Variants in TLK1 observed in about 807,000 individuals in gnomAD.
TLK1 encodes the protein tousled like kinase 1.
TLK1 carries 24 observed loss-of-function variants against 105.3 expected under a neutral mutation model. The ratio of observed to expected loss-of-function variants is 0.23; its 90% CI spans 0.17 to 0.32. The LOEUF (loss-of-function observed/expected upper bound fraction) is 0.32, where lower values mean the gene tolerates loss of function less well. Among genes scored for constraint, TLK1 ranks in the 10% least tolerant of loss-of-function variants. TLK1 has a pLI of 1.00. For synonymous variants in TLK1, 321 were observed against 310.4 expected (o/e 1.03, Z -0.36); for missense variants, 558 against 910.5 (o/e 0.61, Z 4.98).
At chr2:171,081,764 T>G (rs944425341) in intron 3 of TLK1, 3 of 1,220,960 alleles carry the variant, frequency 2.5e-6, no homozygotes, top group Non-Finnish European at 3.3e-6. Context: ...CTTTGTAGTG[T>G]CAGGGTGCCT....
At chr2:171,222,978 C>A (rs1693835482) in intron 1 of TLK1, among the ~76,000 whole-genome samples, 1 of 152,044 alleles carries the variant, frequency 6.6e-6, no homozygotes, top group Non-Finnish European at 1.5e-5. Flanking sequence ...CCACGCCCAA[C>A]TAATTTTTGT....
chr2:171,060,977 T>G (rs916281732), intron 4 of TLK1, 104 bp downstream of exon 4: 4 of 1,176,198 alleles, frequency 3.4e-6, no homozygotes, highest in Non-Finnish European at 4.8e-6. Flanking sequence ...CACCAAAATT[T>G]ACAACTTCAT....
At chr2:171,002,994 G>A (rs566422845) in intron 18 of TLK1, among the ~76,000 whole-genome samples, 6 of 151,828 alleles carry the variant, frequency 4.0e-5, no homozygotes, top group South Asian at 4.2e-4. Flanking sequence ...ACAAGGTTTC[G>A]CTGGGCGTGG....
At chr2:171,092,150 T>C (rs568245661) in intron 2 of TLK1, among the ~76,000 whole-genome samples, 1 of 152,196 alleles carries the variant, frequency 6.6e-6, no homozygotes, top group East Asian at 1.9e-4. Context: ...GGCTTCCAAA[T>C]CATTCTGTGA....
In TLK1 at chr2:171,055,463, G is replaced by A. The variant is rs118033242; in HGVS notation, c.550-291C>T. 2.7e-3 allele frequency among the ~76,000 whole-genome samples: 410 copies of A among 150,782 alleles called. 7 individuals carry two copies. In the East Asian group the frequency reaches 0.069, roughly 25 times the overall value. ...AAAGAAATCTTAATGCTTTCATACAGTTAAAAAAAAAATAAGGCCAAATAA... is the reference window on the plus strand; with the variant it reads ...AAAGAAATCTTAATGCTTTCATACAATTAAAAAAAAAATAAGGCCAAATAA... On this transcript the variant is annotated intron_variant, in intron 6 of 20. Coordinates refer to ENST00000431350, the MANE Select transcript of TLK1 (RefSeq NM_012290.5).
intron 1 of TLK1, among the ~76,000 whole-genome samples, chr2:171,125,430 CTCT>C (rs1690828385): frequency 6.6e-6 from 1 of 152,144 alleles, no homozygotes; most frequent in Admixed American, 6.5e-5. Context: ...CTATATTTTT[CTCT>C]TCTTTCCTTT....
At chr2:171,071,933 G>A (rs1294127301) in intron 3 of TLK1, among the ~76,000 whole-genome samples, 1 of 152,128 alleles carries the variant, frequency 6.6e-6, no homozygotes, top group Non-Finnish European at 1.5e-5. Flanking sequence ...CTGTTCCACT[G>A]GTCTATGTGT....
At chr2:171,083,813 T>C (rs1233396991) in intron 2 of TLK1, among the ~76,000 whole-genome samples, 3 of 152,168 alleles carry the variant, frequency 2.0e-5, no homozygotes, top group Non-Finnish European at 4.4e-5. Flanking sequence ...AAAGCTGCTG[T>C]CAACAAAGGA....
chr2:171,155,718 C>T (rs1692206418), intron 1 of TLK1: 1 of 152,156 alleles, frequency 6.6e-6, no homozygotes, highest in Admixed American at 6.5e-5. Context: ...AAACTAACTA[C>T]TTCTTTCCAT....
intron 3 of TLK1, among the ~76,000 whole-genome samples, chr2:171,081,914 A>C (rs1436375309): frequency 6.6e-6 from 1 of 152,142 alleles, no homozygotes; most frequent in Non-Finnish European, 1.5e-5. Flanking sequence ...GTGCTAATGA[A>C]CTACTGGTAT....
intron 1 of TLK1, among the ~76,000 whole-genome samples, chr2:171,145,984 C>A (rs1691776777): frequency 6.6e-6 from 1 of 151,898 alleles, no homozygotes; most frequent in African/African-American, 2.4e-5. Context: ...GTGGTCGTTA[C>A]ACAGGTCAGA....
At chr2:171,047,228 A>G (rs575665324) in intron 10 of TLK1, among the ~76,000 whole-genome samples, 2 of 152,216 alleles carry the variant, frequency 1.3e-5, no homozygotes, top group Non-Finnish European at 2.9e-5. Context: ...CAGTTTGAGC[A>G]GAGCATAAAG....
upstream of TLK1, among the ~76,000 whole-genome samples, chr2:171,164,078 T>C (rs112219785): frequency 0.011 from 1,634 of 152,334 alleles, 27 homozygotes; most frequent in African/African-American, 0.037. Context: ...TAATGATAAC[T>C]AGAGGATTAC....
At chr2:171,071,553 C>A (rs1176627510) in intron 3 of TLK1, among the ~76,000 whole-genome samples, 1 of 152,184 alleles carries the variant, frequency 6.6e-6, no homozygotes, top group Non-Finnish European at 1.5e-5. Flanking sequence ...TCCCACAGTG[C>A]TGGGATTACA....
Position 171,141,047 on chromosome 2 carries a change from T to C in TLK1, c.139+19243A>G, listed in dbSNP as rs376137241. Among the ~76,000 whole-genome samples, 8 of 152,204 alleles carry C rather than the reference T, an allele frequency of 5.3e-5. No homozygotes were observed. In the East Asian group the frequency reaches 5.8e-4, roughly 11 times the overall value. On this transcript the variant is annotated intron_variant, in intron 1 of 20. Coordinates refer to ENST00000431350, the MANE Select transcript of TLK1 (RefSeq NM_012290.5). The stretch of plus-strand genomic sequence containing the variant: ...TGAAATGGAAGATTGGTCAGAAAAA[T>C]ATATCTTTAAAAATGCACACAGGAA...
chr2:171,124,837 A>C (rs550618404), intron 1 of TLK1, among the ~76,000 whole-genome samples: 2 of 152,320 alleles, frequency 1.3e-5, no homozygotes, highest in African/African-American at 4.8e-5. Context: ...CAGGCTATTC[A>C]GAGGCCAACT....
chr2:171,108,568 T>C (rs1270270667), intron 2 of TLK1, among the ~76,000 whole-genome samples: 3 of 151,442 alleles, frequency 2.0e-5, no homozygotes, highest in East Asian at 3.9e-4. Flanking sequence ...TCCTATTGTA[T>C]CAAAAAACAT....
intron 1 of TLK1, among the ~76,000 whole-genome samples, chr2:171,139,169 T>C (rs933176740): frequency 3.3e-5 from 5 of 152,164 alleles, no homozygotes; most frequent in Non-Finnish European, 7.3e-5. Context: ...GATATATATA[T>C]ACACACACAT....
chr2:171,044,115 G>A (rs1686822913), intron 11 of TLK1, among the ~76,000 whole-genome samples: 1 of 152,070 alleles, frequency 6.6e-6, no homozygotes, highest in African/African-American at 2.4e-5. Flanking sequence ...ATTACTAATG[G>A]ATTAAGAAAA....
Sources: allele counts gnomAD v4.1 joint callset (sites outside exome capture counted in the v4.1 genomes callset), GRCh38; gene constraint gnomAD v4.1.1; transcripts MANE v1.5; gene names NCBI Gene and HGNC (gene_info 2026-07-23, HGNC 2026-07-21).